Variants in CFAP299 observed in about 807,000 individuals in gnomAD.
The protein encoded by CFAP299 is cilia- and flagella-associated protein 299.
Under a neutral mutation model 27.0 loss-of-function variants are expected in CFAP299, and 21 were observed. The ratio of observed to expected loss-of-function variants is 0.78; its 90% CI spans 0.55 to 1.12. The LOEUF (loss-of-function observed/expected upper bound fraction) is 1.12. CFAP299 is among the 50% of genes most tolerant of loss of function. CFAP299 has a pLI of 0.00. For missense variants in CFAP299, 310 were observed against 276.6 expected, an observed-to-expected ratio of 1.12 and a Z score of -0.86; for synonymous variants, 104 against 98.1, an observed-to-expected ratio of 1.06 and a Z score of -0.36.
intron 3 of CFAP299, among the ~76,000 whole-genome samples, chr4:80,798,203 G>A (rs1727981290): frequency 6.6e-6 from 1 of 152,046 alleles, no homozygotes; most frequent in Non-Finnish European, 1.5e-5. Context: ...AAGCAAACAG[G>A]GGTGTTGGGG....
At chr4:80,565,502 G>A (rs1262036915) in intron 2 of CFAP299, among the ~76,000 whole-genome samples, 1 of 151,950 alleles carries the variant, frequency 6.6e-6, no homozygotes, top group Non-Finnish European at 1.5e-5. Flanking sequence ...GAAAGGACTC[G>A]GGGAGATGCA....
In CFAP299 at chr4:80,920,978, C is replaced by T. The variant is rs140706758; in HGVS notation, c.477-23832C>T. ...TGCCTTTTATTCTAGTCTTTGTAAA[C>T]GAAGAATCATTTTCTTATTTGCTAA... On this transcript the variant is annotated intron_variant, in intron 4 of 5. Transcript: ENST00000358105. Among the ~76,000 whole-genome samples, 209 of 152,128 alleles carry T rather than the reference C, an allele frequency of 1.4e-3. 2 individuals carry two copies. Among genetic ancestry groups the T allele is most frequent in the African/African-American group, 4.5e-3 (187 of 41,534 alleles).
intron 2 of CFAP299, among the ~76,000 whole-genome samples, chr4:80,432,861 A>C (rs908322062): frequency 6.6e-6 from 1 of 152,142 alleles, no homozygotes; most frequent in African/African-American, 2.4e-5. Context: ...CAAGGTAATA[A>C]AAATCTAGAG....
At chr4:80,535,044 G>A (rs1033063059) in intron 2 of CFAP299, among the ~76,000 whole-genome samples, 2 of 152,114 alleles carry the variant, frequency 1.3e-5, no homozygotes, top group Admixed American at 6.5e-5. Flanking sequence ...ACCCTTGTAT[G>A]ACAGAGAGGA....
At chr4:80,457,296 A>C (rs1163951055) in intron 2 of CFAP299, among the ~76,000 whole-genome samples, 1 of 152,158 alleles carries the variant, frequency 6.6e-6, no homozygotes, top group Non-Finnish European at 1.5e-5. Context: ...AATAACATCA[A>C]CTTGAAATTA....
intron 2 of CFAP299, among the ~76,000 whole-genome samples, chr4:80,443,089 C>A (rs114824395): frequency 0.016 from 2,500 of 152,256 alleles, 64 homozygotes; most frequent in African/African-American, 0.055. Context: ...GGATTCACAG[C>A]CGAATTCTCC....
intron 3 of CFAP299, among the ~76,000 whole-genome samples, chr4:80,614,193 C>G (rs1210111236): frequency 6.6e-6 from 1 of 152,104 alleles, no homozygotes; most frequent in Non-Finnish European, 1.5e-5. Flanking sequence ...TGAAATAATG[C>G]TATTTTTTTC....
chr4:80,322,062 C>T, the CFAP299 span, among the ~76,000 whole-genome samples: 4 of 152,138 alleles, frequency 2.6e-5, no homozygotes, highest in Admixed American at 6.5e-5. Context: ...AGGACTAGCA[C>T]CCAGGGTCAT....
At chr4:80,328,247 A>G in the CFAP299 span, among the ~76,000 whole-genome samples, 2 of 152,126 alleles carry the variant, frequency 1.3e-5, no homozygotes, top group African/African-American at 4.8e-5. Flanking sequence ...CATGGGGTCA[A>G]AGGAGCTCAC....
chr4:80,710,699 C>T (rs1578046835), intron 3 of CFAP299, among the ~76,000 whole-genome samples: 1 of 152,004 alleles, frequency 6.6e-6, no homozygotes, highest in East Asian at 1.9e-4. Context: ...CCTTTACCCA[C>T]TCACTTACTT....
At chr4:80,607,371 G>A (rs1282590420) in intron 3 of CFAP299, among the ~76,000 whole-genome samples, 1 of 151,964 alleles carries the variant, frequency 6.6e-6, no homozygotes, top group African/African-American at 2.4e-5. Flanking sequence ...AGGATATCGA[G>A]ATGCTCTGCC....
chr4:80,568,781 G>T (rs987996820), intron 2 of CFAP299, among the ~76,000 whole-genome samples: 1 of 152,082 alleles, frequency 6.6e-6, no homozygotes, highest in East Asian at 1.9e-4. Flanking sequence ...TTTTAGAGAA[G>T]AGGGGGAAGA....
intron 4 of CFAP299, among the ~76,000 whole-genome samples, chr4:80,919,189 T>C (rs964831232): frequency 6.6e-5 from 10 of 152,162 alleles, no homozygotes; most frequent in African/African-American, 9.6e-5. Flanking sequence ...TTCTAAAGCA[T>C]GCTGCAAGTT....
At chr4:80,831,799 A>C (rs75430755) in intron 3 of CFAP299, among the ~76,000 whole-genome samples, 2,905 of 152,262 alleles carry the variant, frequency 0.019, 66 homozygotes, top group East Asian at 0.061. Flanking sequence ...AGCATCTAAT[A>C]ATTTCCTGTT....
At chr4:80,471,950 C>A (rs36019171) in intron 2 of CFAP299, among the ~76,000 whole-genome samples, 1 of 152,174 alleles carries the variant, frequency 6.6e-6, no homozygotes, top group African/African-American at 2.4e-5. Context: ...AGCCACACTG[C>A]CCCTGCACTT....
At chr4:80,437,712 A>G (rs1728162471) in intron 2 of CFAP299, among the ~76,000 whole-genome samples, 1 of 152,244 alleles carries the variant, frequency 6.6e-6, no homozygotes, top group African/African-American at 2.4e-5. Flanking sequence ...AACAAAAGAC[A>G]GTATCTCTGC....
At chr4:80,870,310 T>C (rs2110168082) in intron 4 of CFAP299, 175 bp downstream of exon 4, 6 of 1,253,162 alleles carry the variant, frequency 4.8e-6, no homozygotes, top group African/African-American at 4.6e-5. Context: ...GCATTGTTTT[T>C]CCTTTAACAG....
intron 4 of CFAP299, among the ~76,000 whole-genome samples, chr4:80,880,753 A>T (rs1964622): frequency 0.77 from 113,164 of 147,820 alleles, 44,595 homozygotes; most frequent in Non-Finnish European, 0.85. Flanking sequence ...AAAATAAAAT[A>T]AAATTAAATT....
chr4:80,604,278 A>G (rs1021726297), intron 3 of CFAP299, among the ~76,000 whole-genome samples: 2 of 152,192 alleles, frequency 1.3e-5, no homozygotes. Flanking sequence ...GCATATATAG[A>G]AAATAATAAA....
Sources: gnomAD v4.1 joint callset for allele counts (sites outside exome capture counted in the v4.1 genomes callset) on GRCh38, gnomAD v4.1.1 for gene constraint, MANE v1.5 for transcripts, NCBI Gene and HGNC (gene_info 2026-07-23, HGNC 2026-07-21) for gene names.